CDH4: variants seen among roughly 807,000 people sequenced by gnomAD.
The protein encoded by CDH4 is cadherin 4, also known as cadherin-4.
CDH4 carries 33 observed loss-of-function variants against 86.0 expected under a neutral mutation model. The observed-to-expected ratio is 0.38, with a 90% CI of 0.29 to 0.51. CDH4 has a LOEUF of 0.51. Among genes scored for constraint, CDH4 ranks in the 20% least tolerant of loss-of-function variants. The pLI is 0.86. For synonymous variants in CDH4, 555 were observed against 549.4 expected (o/e 1.01, Z -0.14); for missense variants, 1,114 against 1,307.4 (o/e 0.85, Z 2.28).
chr20:61,737,869 A>C (rs2088284134), intron 2 of CDH4, among the ~76,000 whole-genome samples: 1 of 152,216 alleles, frequency 6.6e-6, no homozygotes, highest in Non-Finnish European at 1.5e-5. Context: ...ACCGTTCCTC[A>C]AGGTCACAGA....
chr20:61,661,668 C>A (rs2087259305), intron 2 of CDH4, among the ~76,000 whole-genome samples: 1 of 152,094 alleles, frequency 6.6e-6, no homozygotes, highest in African/African-American at 2.4e-5. Context: ...TGTTTGTCAC[C>A]TTTGCCTTTG....
intron 2 of CDH4, among the ~76,000 whole-genome samples, chr20:61,414,440 C>A (rs1255262944): frequency 1.3e-5 from 2 of 152,224 alleles, no homozygotes; most frequent in African/African-American, 4.8e-5. Flanking sequence ...TCAGGGAGAG[C>A]CCTGCGTGGA....
intron 1 of CDH4, among the ~76,000 whole-genome samples, chr20:61,253,427 G>A (rs1283043009): frequency 6.6e-6 from 1 of 152,082 alleles, no homozygotes; most frequent in South Asian, 2.1e-4. Context: ...GGAGGCGGAG[G>A]GGCGGCGGGA....
intron 2 of CDH4, among the ~76,000 whole-genome samples, chr20:61,741,561 G>A (rs1245925451): frequency 6.6e-6 from 1 of 151,486 alleles, no homozygotes; most frequent in African/African-American, 2.4e-5. Flanking sequence ...GCGTGATCTC[G>A]GCTCACTGCA....
At chr20:61,381,632 A>G (rs557189001) in intron 2 of CDH4, among the ~76,000 whole-genome samples, 103 of 152,226 alleles carry the variant, frequency 6.8e-4, no homozygotes, top group Non-Finnish European at 8.7e-4. Flanking sequence ...AGTCCGCAGA[A>G]TGTCCCCCCT....
intron 2 of CDH4, among the ~76,000 whole-genome samples, chr20:61,297,367 C>T (rs375133073): frequency 1.2e-4 from 19 of 152,100 alleles, no homozygotes; most frequent in African/African-American, 2.7e-4. Flanking sequence ...CCAGCCTGGA[C>T]GACAAGAGCG....
intron 2 of CDH4, among the ~76,000 whole-genome samples, chr20:61,527,754 C>T (rs570892212): frequency 1.3e-4 from 19 of 151,988 alleles, no homozygotes; most frequent in Admixed American, 7.2e-4. Context: ...CTTGTGGAGA[C>T]GTCTCGTGGT....
At chr20:61,604,959 G>A (rs1024044203) in intron 2 of CDH4, among the ~76,000 whole-genome samples, 3 of 152,174 alleles carry the variant, frequency 2.0e-5, no homozygotes, top group African/African-American at 7.2e-5. Flanking sequence ...CCTGAATAGG[G>A]GCTGCGTCCA....
intron 2 of CDH4, among the ~76,000 whole-genome samples, chr20:61,721,858 A>G (rs2145913673): frequency 6.6e-6 from 1 of 152,328 alleles, no homozygotes; most frequent in South Asian, 2.1e-4. Context: ...AAATTCCTGC[A>G]GGACCCGGCC....
rs923319365 is a variant in CDH4 at position 61,615,886 on chromosome 20, A to G, written c.170-127677A>G. Among the ~76,000 whole-genome samples, 7 of 152,340 alleles carry G rather than the reference A, an allele frequency of 4.6e-5. 1 individual carries two copies. Among genetic ancestry groups the G allele is most frequent in the Admixed American group, 4.6e-4 (7 of 15,310 alleles). ...TCTGCCATTATCATCATTTTGGTCA[A>G]ATGCCTTCGGTGGGGTCAGCCTCGC... On this transcript the variant is annotated intron_variant, in intron 2 of 15. Coordinates refer to ENST00000614565, the MANE Select transcript of CDH4 (RefSeq NM_001794.5).
At chr20:61,690,552 C>G (rs2087642059) in intron 2 of CDH4, among the ~76,000 whole-genome samples, 1 of 152,148 alleles carries the variant, frequency 6.6e-6, no homozygotes, top group African/African-American at 2.4e-5. Flanking sequence ...CATTCACTGT[C>G]TTTACTGAAG....
chr20:61,828,658 T>G (rs1366721336), intron 4 of CDH4, among the ~76,000 whole-genome samples: 1 of 152,232 alleles, frequency 6.6e-6, no homozygotes, highest in South Asian at 2.1e-4. Context: ...ATGGCCTCCC[T>G]GTGGGAGTCC....
chr20:61,426,721 G>A (rs940789557), intron 2 of CDH4, among the ~76,000 whole-genome samples: 1 of 152,224 alleles, frequency 6.6e-6, no homozygotes, highest in Non-Finnish European at 1.5e-5. Flanking sequence ...TGACACCAGC[G>A]AAGGTGGAGG....
At chr20:61,817,288 C>A (rs550585690) in intron 4 of CDH4, among the ~76,000 whole-genome samples, 34 of 152,236 alleles carry the variant, frequency 2.2e-4, no homozygotes, top group African/African-American at 7.0e-4. Context: ...GGGCCCAGCC[C>A]CGCTAGGTCC....
chr20:61,730,226 C>G (rs1269189122), intron 2 of CDH4, among the ~76,000 whole-genome samples: 1 of 152,036 alleles, frequency 6.6e-6, no homozygotes, highest in Non-Finnish European at 1.5e-5. Flanking sequence ...TGGACAAATG[C>G]ATGGTGGGTT....
In CDH4 at chr20:61,708,847, T is replaced by C. The variant is rs1350360465; in HGVS notation, c.170-34716T>C. 3.9e-5 allele frequency among the ~76,000 whole-genome samples: 6 copies of C among 152,356 alleles called. No homozygotes were observed. In the East Asian group the frequency reaches 1.2e-3, roughly 29 times the overall value. On this transcript the variant is annotated intron_variant, in intron 2 of 15. Transcript: ENST00000614565. This position sits in a 1 kb window ranked among gnomAD's most constrained non-coding sequence, Gnocchi z 4.5. ...AATCAATAGTGGGCATTGGCAGACGTGCAGAACACCCCGCGTGCAATCTTT... is the reference window on the plus strand; with the variant it reads ...AATCAATAGTGGGCATTGGCAGACGCGCAGAACACCCCGCGTGCAATCTTT...
At chr20:61,741,791 G>C (rs2088341425) in intron 2 of CDH4, among the ~76,000 whole-genome samples, 1 of 152,156 alleles carries the variant, frequency 6.6e-6, no homozygotes. Flanking sequence ...ACCACGCCCA[G>C]CCTCCCAAAG....
intron 2 of CDH4, among the ~76,000 whole-genome samples, chr20:61,568,929 A>C (rs1179586971): frequency 2.6e-5 from 4 of 152,008 alleles, no homozygotes; most frequent in Non-Finnish European, 5.9e-5. Flanking sequence ...TCAAAGGTGC[A>C]TCTTCAGTGC....
intron 2 of CDH4, among the ~76,000 whole-genome samples, chr20:61,500,037 C>T (rs2085689409): frequency 6.6e-6 from 1 of 152,146 alleles, no homozygotes; most frequent in African/African-American, 2.4e-5. Context: ...ACTCTTGTTG[C>T]TATGACAACA....
Sources: gnomAD v4.1 joint callset for allele counts (sites outside exome capture counted in the v4.1 genomes callset) on GRCh38, gnomAD v4.1.1 for gene constraint, Gnocchi (gnomAD v3.1) non-coding constraint, MANE v1.5 for transcripts, NCBI Gene and HGNC (gene_info 2026-07-23, HGNC 2026-07-21) for gene names.